The following IL33 variants were observed in gnomAD, a reference collection of about 807,000 sequenced individuals.
The protein encoded by IL33 is interleukin 33.
IL33 carries 37 observed loss-of-function variants against 27.3 expected under a neutral mutation model. The ratio of observed to expected loss-of-function variants is 1.36; its 90% CI spans 1.04 to 1.78. The LOEUF is 1.78. Among genes scored for constraint, IL33 ranks in the 40% most tolerant of loss-of-function variants. The pLI, the probability that IL33 is intolerant of heterozygous loss-of-function variation, is 0.00. For missense variants in IL33, 406 were observed against 311.4 expected, an observed-to-expected ratio of 1.30 and a Z score of -2.29; for synonymous variants, 132 against 102.9, an observed-to-expected ratio of 1.28 and a Z score of -1.71.
chr9:6,254,639 T>C (rs1260082261), intron 7 of IL33, 86 bp downstream of exon 7: 4 of 691,794 alleles, frequency 5.8e-6, no homozygotes, highest in Non-Finnish European at 8.6e-6. Context: ...GATTTGGGTG[T>C]TGGGGTATTT....
intron 7 of IL33, among the ~76,000 whole-genome samples, chr9:6,255,395 T>C (rs934630034): frequency 1.3e-5 from 2 of 152,118 alleles, no homozygotes; most frequent in Non-Finnish European, 2.9e-5. Context: ...TACTCAATAA[T>C]AGAGCTACTT....
At chr9:6,254,103 C>T (rs1245956866) in intron 6 of IL33, among the ~76,000 whole-genome samples, 2 of 152,116 alleles carry the variant, frequency 1.3e-5, no homozygotes, top group Non-Finnish European at 2.9e-5. Context: ...TACACTTAGC[C>T]ATAAGAAGGC....
intron 1 of IL33, among the ~76,000 whole-genome samples, chr9:6,232,730 C>T (rs1197651606): frequency 1.3e-5 from 2 of 152,164 alleles, no homozygotes; most frequent in African/African-American, 4.8e-5. Context: ...ACTAGGGACC[C>T]TGACCTCCTT....
chr9:6,233,220 T>A (rs1819011313), intron 1 of IL33, among the ~76,000 whole-genome samples: 1 of 152,182 alleles, frequency 6.6e-6, no homozygotes, highest in Non-Finnish European at 1.5e-5. Flanking sequence ...TTCCCACTTA[T>A]ACTTAAAACT....
intron 5 of IL33, 58 bp from the exon 6 acceptor site, chr9:6,253,494 A>G: frequency 8.5e-7 from 1 of 1,170,148 alleles, no homozygotes; most frequent in Non-Finnish European, 1.3e-6. Flanking sequence ...TGTGTGTTGG[A>G]ACTGAAAACT....
In IL33 at chr9:6,251,406, C is replaced by A. The variant is rs1048638818; in HGVS notation, c.343+141C>A. On this transcript the variant is annotated intron_variant, in intron 4 of 7. Transcript: ENST00000682010. ...CTTCTGCCCATTTGCAGCTGATGTACCCATCTAATAGTATCCAAAGTAGGT... is the reference window on the plus strand; with the variant it reads ...CTTCTGCCCATTTGCAGCTGATGTAACCATCTAATAGTATCCAAAGTAGGT... 1.6e-6 allele frequency: 2 copies of A among 1,252,582 alleles called. No individual in the cohort carries two copies. Among genetic ancestry groups the A allele is most frequent in the Non-Finnish European group, 2.2e-6 (2 of 899,898 alleles). 77.6% of individuals were successfully genotyped at this position (1,252,582 alleles called of 1,614,324 possible).
intron 1 of IL33, among the ~76,000 whole-genome samples, chr9:6,233,496 A>G (rs1228093533): frequency 6.6e-6 from 1 of 152,054 alleles, no homozygotes; most frequent in African/African-American, 2.4e-5. Flanking sequence ...TTCATTGGCT[A>G]CTTTCTTTCT....
At chr9:6,253,331 C>T (rs1185160625) in intron 5 of IL33, among the ~76,000 whole-genome samples, 1 of 152,152 alleles carries the variant, frequency 6.6e-6, no homozygotes, top group East Asian at 1.9e-4. Flanking sequence ...CTTTATGCCA[C>T]TGCTATGAAA....
intron 1 of IL33, among the ~76,000 whole-genome samples, chr9:6,223,612 GAT>G (rs1260136560): frequency 1.3e-5 from 2 of 152,002 alleles, no homozygotes; most frequent in South Asian, 4.2e-4. Flanking sequence ...CAACCATAAA[GAT>G]ATTATTAAGG....
intron 1 of IL33, among the ~76,000 whole-genome samples, chr9:6,220,748 T>C (rs925654622): frequency 1.1e-4 from 16 of 152,160 alleles, no homozygotes; most frequent in African/African-American, 2.9e-4. Flanking sequence ...TAAATTATTG[T>C]TATTGTTATT....
intron 1 of IL33, among the ~76,000 whole-genome samples, chr9:6,220,579 A>G (rs772800745): frequency 2.6e-5 from 4 of 152,186 alleles, no homozygotes; most frequent in Non-Finnish European, 5.9e-5. Flanking sequence ...AGACCCAAAC[A>G]TGAACTTCCT....
intron 1 of IL33, among the ~76,000 whole-genome samples, chr9:6,218,461 A>C (rs1242438759): frequency 6.6e-6 from 1 of 151,964 alleles, no homozygotes; most frequent in Admixed American, 6.6e-5. Flanking sequence ...CCAGTGATTA[A>C]GGAAATAGAG....
At chr9:6,218,335 AT>A (rs1376239873) in intron 1 of IL33, among the ~76,000 whole-genome samples, 2 of 152,060 alleles carry the variant, frequency 1.3e-5, no homozygotes, top group Non-Finnish European at 2.9e-5. Flanking sequence ...TCCCTTTCCC[AT>A]TTATAGAGAG....
At chr9:6,242,444 A>T (rs1486193059) in intron 2 of IL33, 1 of 152,216 alleles carries the variant, frequency 6.6e-6, no homozygotes, top group East Asian at 1.9e-4. Flanking sequence ...TCTTGGAGTT[A>T]TTTCTAAACA....
intron 3 of IL33, 146 bp downstream of exon 3, chr9:6,250,745 T>C (rs995699611): frequency 1.3e-5 from 12 of 903,274 alleles, no homozygotes; most frequent in Admixed American, 3.0e-5. Flanking sequence ...TAGCTATTTT[T>C]AAAAGGGCAT....
At chr9:6,216,516 C>G (rs11791561) in intron 1 of IL33, among the ~76,000 whole-genome samples, 63,183 of 151,996 alleles carry the variant, frequency 0.42, 14,702 homozygotes, top group East Asian at 0.58. Context: ...GGGTGAATCG[C>G]CTGAGGTCAG....
intron 2 of IL33, among the ~76,000 whole-genome samples, chr9:6,243,113 C>G (rs897236062): frequency 2.6e-5 from 4 of 152,150 alleles, no homozygotes; most frequent in South Asian, 4.1e-4. Context: ...GGCCCCACCT[C>G]CAACAATGGG....
At chr9:6,249,119 T>C (rs1268946860) in intron 2 of IL33, among the ~76,000 whole-genome samples, 1 of 152,206 alleles carries the variant, frequency 6.6e-6, no homozygotes, top group African/African-American at 2.4e-5. Context: ...GGTAGAGAGT[T>C]CTAGAGTGGG....
chr9:6,222,969 A>T (rs932231582), intron 1 of IL33, among the ~76,000 whole-genome samples: 2 of 152,190 alleles, frequency 1.3e-5, no homozygotes, highest in African/African-American at 4.8e-5. Flanking sequence ...CGCATATGTA[A>T]GTGTAAGTTC....
Sources: gnomAD v4.1 joint callset for allele counts (sites outside exome capture counted in the v4.1 genomes callset) on GRCh38, gnomAD v4.1.1 for gene constraint, MANE v1.5 for transcripts, NCBI Gene and HGNC (gene_info 2026-07-23, HGNC 2026-07-21) for gene names.